PDE4D: variants seen among roughly 807,000 people sequenced by gnomAD.
The protein encoded by PDE4D is 3',5'-cyclic-AMP phosphodiesterase 4D.
In PDE4D, 24 loss-of-function variants were observed where a neutral mutation model predicts 87.4. That is an observed-to-expected ratio of 0.27 (90% CI 0.20 to 0.39). PDE4D has a LOEUF of 0.39. Among genes scored for constraint, PDE4D ranks in the 10% least tolerant of loss-of-function variants. PDE4D has a pLI of 1.00. For missense variants in PDE4D, 714 were observed against 1,041.0 expected, an observed-to-expected ratio of 0.69 and a Z score of 4.32; for synonymous variants, 384 against 383.2, an observed-to-expected ratio of 1.00 and a Z score of -0.02.
At chr5:59,008,989 AT>A (rs1752226536) in intron 6 of PDE4D, among the ~76,000 whole-genome samples, 3 of 152,146 alleles carry the variant, frequency 2.0e-5, no homozygotes, top group Admixed American at 6.5e-5. Context: ...ATCATTAGAC[AT>A]TAGGGAAACA....
At chr5:59,487,295 G>A (rs1464193607) in intron 1 of PDE4D, among the ~76,000 whole-genome samples, 2 of 152,194 alleles carry the variant, frequency 1.3e-5, no homozygotes, top group Admixed American at 6.5e-5. Flanking sequence ...TACTGGGAGT[G>A]AAAGGCAGGG....
chr5:59,270,510 C>G (rs1049716854), intron 1 of PDE4D, among the ~76,000 whole-genome samples: 6 of 152,048 alleles, frequency 3.9e-5, no homozygotes, highest in African/African-American at 1.4e-4. Context: ...GAGGCATTGG[C>G]CTTTTGTTCT....
chr5:59,270,690 T>C (rs1441027262), intron 1 of PDE4D, among the ~76,000 whole-genome samples: 2 of 152,198 alleles, frequency 1.3e-5, no homozygotes, highest in Non-Finnish European at 2.9e-5. Context: ...TAGGCTACCA[T>C]ACTTCCGAAA....
At chr5:59,460,108 CA>C (rs1800538607) in intron 1 of PDE4D, among the ~76,000 whole-genome samples, 1 of 151,780 alleles carries the variant, frequency 6.6e-6, no homozygotes, top group Non-Finnish European at 1.5e-5. Flanking sequence ...AAGTAGAAAA[CA>C]GACAAAATTA....
At chr5:60,267,308 T>C (rs1322757437) in intron 1 of PDE4D, among the ~76,000 whole-genome samples, 1 of 152,204 alleles carries the variant, frequency 6.6e-6, no homozygotes, top group Non-Finnish European at 1.5e-5. Flanking sequence ...GTGAGGGTTG[T>C]GTGTGTGTTT....
chr5:59,306,168 A>G (rs1468954896), intron 1 of PDE4D, among the ~76,000 whole-genome samples: 2 of 151,996 alleles, frequency 1.3e-5, no homozygotes, highest in Admixed American at 6.6e-5. Flanking sequence ...TTTAACTGCT[A>G]TTGCTTTAAA....
intron 11 of PDE4D, among the ~76,000 whole-genome samples, chr5:58,979,397 T>C (rs1379877624): frequency 6.6e-6 from 1 of 152,190 alleles, no homozygotes; most frequent in Non-Finnish European, 1.5e-5. Context: ...GTGGTGACTG[T>C]TGATTTTTAA....
At chr5:59,615,692 G>A (rs544638601) in intron 1 of PDE4D, among the ~76,000 whole-genome samples, 102 of 152,280 alleles carry the variant, frequency 6.7e-4, no homozygotes, top group Non-Finnish European at 1.2e-3. Flanking sequence ...TTCAGTCTCA[G>A]TAGCTGGGGT....
intron 1 of PDE4D, among the ~76,000 whole-genome samples, chr5:59,854,736 C>T (rs771409991): frequency 1.3e-5 from 2 of 151,964 alleles, no homozygotes; most frequent in African/African-American, 2.4e-5. Flanking sequence ...AATACAGTCA[C>T]CCTATATAAT....
intron 1 of PDE4D, among the ~76,000 whole-genome samples, chr5:59,698,423 A>G (rs1332079781): frequency 6.6e-6 from 1 of 151,958 alleles, no homozygotes; most frequent in Non-Finnish European, 1.5e-5. Context: ...ACTTTCTGGC[A>G]TGAGCGCTTT....
chr5:59,613,817 A>T (rs1053143961), intron 1 of PDE4D, among the ~76,000 whole-genome samples: 2 of 152,192 alleles, frequency 1.3e-5, no homozygotes, highest in Non-Finnish European at 2.9e-5. Flanking sequence ...GAGAAACAAG[A>T]GGAAAGAACA....
At chr5:60,260,162 T>C (rs567602469) in intron 1 of PDE4D, among the ~76,000 whole-genome samples, 2 of 152,066 alleles carry the variant, frequency 1.3e-5, no homozygotes, top group African/African-American at 4.8e-5. Flanking sequence ...ATTTTTCATG[T>C]TATATCTGTT....
intron 1 of PDE4D, among the ~76,000 whole-genome samples, chr5:60,219,553 C>T (rs555354890): frequency 6.6e-6 from 1 of 152,128 alleles, no homozygotes; most frequent in South Asian, 2.1e-4. Flanking sequence ...TAGAATCAGT[C>T]TATGAGCTAT....
chr5:59,368,779 A>T (rs773307309), intron 1 of PDE4D, among the ~76,000 whole-genome samples: 1 of 152,206 alleles, frequency 6.6e-6, no homozygotes, highest in Non-Finnish European at 1.5e-5. Flanking sequence ...TACAAACTTC[A>T]CTTTGCCTGT....
chr5:59,185,080 A>G, intron 4 of PDE4D, 109 bp downstream of exon 4: 1 of 745,122 alleles, frequency 1.3e-6, no homozygotes, highest in Non-Finnish European at 2.3e-6. Flanking sequence ...TACACAGACA[A>G]CATGGCAACA....
chr5:59,363,043 C>T (rs546017553), intron 1 of PDE4D, among the ~76,000 whole-genome samples: 1 of 152,240 alleles, frequency 6.6e-6, no homozygotes, highest in South Asian at 2.1e-4. Context: ...GTTTGTGAAC[C>T]AAACATCACC....
At chr5:59,066,870 T>C (rs7706044) in intron 5 of PDE4D, among the ~76,000 whole-genome samples, 1,689 of 152,218 alleles carry the variant, frequency 0.011, 35 homozygotes, top group African/African-American at 0.038. Flanking sequence ...GCACTATCTA[T>C]GACCCAGGAA....
chr5:60,402,437 C>T (rs1741172955), intron 1 of PDE4D, among the ~76,000 whole-genome samples: 1 of 152,210 alleles, frequency 6.6e-6, no homozygotes, highest in Non-Finnish European at 1.5e-5. Flanking sequence ...ACTATGGTGC[C>T]TGGCATGTGG....
At chr5:59,862,596 G>C (rs1746441817) in intron 1 of PDE4D, among the ~76,000 whole-genome samples, 1 of 152,136 alleles carries the variant, frequency 6.6e-6, no homozygotes, top group Non-Finnish European at 1.5e-5. Context: ...TGTAAAATGG[G>C]GATGCTAATA....
Sources: gnomAD v4.1 joint callset for allele counts (sites outside exome capture counted in the v4.1 genomes callset) on GRCh38, gnomAD v4.1.1 for gene constraint, MANE v1.5 for transcripts, NCBI Gene and HGNC (gene_info 2026-07-23, HGNC 2026-07-21) for gene names.